TYRO3: variants seen among roughly 807,000 people sequenced by gnomAD.
TYRO3 encodes the protein TYRO3 protein tyrosine kinase, also known as tyrosine-protein kinase receptor TYRO3.
Under a neutral mutation model 95.2 loss-of-function variants are expected in TYRO3, and 38 were observed. The ratio of observed to expected loss-of-function variants is 0.40; its 90% CI spans 0.31 to 0.52. TYRO3 has a LOEUF of 0.52. Among genes scored for constraint, TYRO3 ranks in the 20% least tolerant of loss-of-function variants. TYRO3 has a pLI of 0.56. For synonymous variants in TYRO3, 367 were observed against 432.9 expected, an observed-to-expected ratio of 0.85 and a Z score of 1.89; for missense variants, 812 against 1,116.4, an observed-to-expected ratio of 0.73 and a Z score of 3.89.
At chr15:41,575,550 T>TC (rs1489549152) in intron 18 of TYRO3, among the ~76,000 whole-genome samples, 2 of 152,164 alleles carry the variant, frequency 1.3e-5, no homozygotes, top group Non-Finnish European at 2.9e-5. Flanking sequence ...CCCAGACCAT[T>TC]CCCATTCCCA....
intron 6 of TYRO3, among the ~76,000 whole-genome samples, chr15:41,566,185 C>T (rs1043707124): frequency 4.6e-5 from 7 of 151,932 alleles, no homozygotes; most frequent in East Asian, 3.9e-4. Context: ...CAGTGGCATG[C>T]GCCTGTACTT....
intron 6 of TYRO3, among the ~76,000 whole-genome samples, chr15:41,566,175 CAGTGGCATGCGCCTGT>C (rs1362665581): frequency 6.6e-6 from 1 of 152,002 alleles, no homozygotes; most frequent in Non-Finnish European, 1.5e-5. Context: ...TATCCAGGCA[CAGTGGCATGCGCCTGT>C]ACTTCTAACT....
intron 4 of TYRO3, among the ~76,000 whole-genome samples, chr15:41,563,978 A>G (rs1482002195): frequency 6.6e-6 from 1 of 152,152 alleles, no homozygotes; most frequent in Non-Finnish European, 1.5e-5. Flanking sequence ...CAATTCTCCC[A>G]TTTGAGAGAT....
At chr15:41,560,441 G>GCGCGCTCGCA (rs2055637886) in intron 1 of TYRO3, among the ~76,000 whole-genome samples, 2 of 151,678 alleles carry the variant, frequency 1.3e-5, no homozygotes, top group South Asian at 4.2e-4. Context: ...GCGCGCGCGC[G>GCGCGCTCGCA]CGCGCTCGCA....
chr15:41,562,799 G>A (rs2055674958), intron 4 of TYRO3, 81 bp downstream of exon 4: 2 of 1,444,250 alleles, frequency 1.4e-6, no homozygotes, highest in African/African-American at 2.8e-5. Context: ...TTCAGCCACT[G>A]AGCTTGCGGT....
chr15:41,565,024 A>C lies in TYRO3; in HGVS notation c.668-2A>C. The C allele has an allele frequency of 2.5e-6, 4 of 1,608,220 alleles. No homozygotes were observed. The highest frequency in any genetic ancestry group is 1.3e-5 in the African/African-American group (1 of 74,972). ...GCACTGATTCTGAGTCCCCGTCCACAGCACTGCCTGCAGCCCCCTTCAACA... is the reference window on the plus strand; with the variant it reads ...GCACTGATTCTGAGTCCCCGTCCACCGCACTGCCTGCAGCCCCCTTCAACA... On this transcript the variant is annotated splice_acceptor_variant, in intron 5 of 18. Coordinates refer to ENST00000263798, the MANE Select transcript of TYRO3 (RefSeq NM_006293.4). LOFTEE classifies it high-confidence loss of function.
intron 15 of TYRO3, 142 bp downstream of exon 15, chr15:41,572,706 C>G (rs1234491825): frequency 1.8e-6 from 2 of 1,107,226 alleles, no homozygotes; most frequent in Admixed American, 5.4e-5. Flanking sequence ...GAGTTTGAAT[C>G]CTTTTAATCT....
At position 41,573,339 on chromosome 15, in the gene TYRO3, G is replaced by C. The variant is rs954001384; in HGVS notation, c.2017G>C (p.Asp673His). The C allele has an allele frequency of 6.2e-7, 1 of 1,614,232 alleles. No homozygotes were observed. The highest frequency in any genetic ancestry group is 1.7e-5 in the Admixed American group (1 of 60,028). The change falls in exon 17 of 19, where the codon GAC (aspartate) becomes CAC (histidine). Residue 673 changes from aspartate (D) to histidine (H), a missense_variant. Transcript: ENST00000263798. The stretch of plus-strand genomic sequence containing the variant: ...AGAGGACATGACAGTGTGTGTGGCT[G>C]ACTTCGGACTCTCCCGGAAGATCTA... ...LAEDMTVCVA[D>H]FGLSRKIYSG... is the part of the protein sequence containing the mutation.
At chr15:41,569,052 G>A (rs2055761922) in intron 9 of TYRO3, 30 bp downstream of exon 9, 2 of 1,610,744 alleles carry the variant, frequency 1.2e-6, no homozygotes, top group Admixed American at 1.7e-5. Context: ...AGGGGCAGAG[G>A]CTCAGGGGAT....
At chr15:41,576,973 G>C (rs2055868804) in intron 18 of TYRO3, among the ~76,000 whole-genome samples, 1 of 151,990 alleles carries the variant, frequency 6.6e-6, no homozygotes, top group African/African-American at 2.4e-5. Flanking sequence ...TGCACGGTGA[G>C]GAATTACTGA....
At chr15:41,569,170 T>G in intron 9 of TYRO3, 148 bp downstream of exon 9, 3 of 957,210 alleles carry the variant, frequency 3.1e-6, no homozygotes, top group Non-Finnish European at 4.5e-6. Flanking sequence ...CTGTTTAAAC[T>G]ATCTTGGCTG....
chr15:41,562,456 G>C (rs534873721), intron 3 of TYRO3, 92 bp from the exon 4 acceptor site: 1 of 1,310,930 alleles, frequency 7.6e-7, no homozygotes, highest in East Asian at 2.3e-5. Flanking sequence ...AACCTTCTGC[G>C]TGGAGGACTT....
At chr15:41,563,033 C>G (rs1040223825) in intron 4 of TYRO3, among the ~76,000 whole-genome samples, 1 of 152,066 alleles carries the variant, frequency 6.6e-6, no homozygotes, top group African/African-American at 2.4e-5. Context: ...CATCCCCCAC[C>G]CCTCCCAAGG....
At position 41,572,431 on chromosome 15, in the gene TYRO3, C is replaced by A. The variant is rs775131110; in HGVS notation, c.1754-12C>A. The A allele has an allele frequency of 2.7e-5, 43 of 1,613,972 alleles. No homozygotes were observed. The highest frequency in any genetic ancestry group is 3.6e-5 in the Non-Finnish European group (42 of 1,179,898). On this transcript the variant is annotated splice_polypyrimidine_tract_variant and intron_variant, in intron 14 of 18. Coordinates refer to ENST00000263798, the MANE Select transcript of TYRO3 (RefSeq NM_006293.4). ...CCTTCTATGCTCAGCTCCTGACTCT[C>A]CCTTGTCCCAGGGGTAAGCCTCCGG... is the stretch of plus-strand genomic sequence containing the variant.
intron 4 of TYRO3, 125 bp from the exon 5 acceptor site, chr15:41,564,059 C>T (rs774778719): frequency 1.4e-5 from 12 of 883,048 alleles, no homozygotes; most frequent in Non-Finnish European, 2.1e-5. Flanking sequence ...CCTCACTGCC[C>T]AGCCCCTTCC....
At chr15:41,574,684 G>C (rs1038435999) in intron 18 of TYRO3, 21 of 455,658 alleles carry the variant, frequency 4.6e-5, no homozygotes. Flanking sequence ...TCCAAGCCAA[G>C]GGCTCCCTAG....
chr15:41,574,471 T>G (rs1194537253), intron 18 of TYRO3, among the ~76,000 whole-genome samples: 1 of 152,328 alleles, frequency 6.6e-6, no homozygotes, highest in Middle Eastern at 3.4e-3. Flanking sequence ...TCTGACCTTA[T>G]GAGGAAAAGA....
rs55698899 is a variant in TYRO3 at position 41,570,148 on chromosome 15, G to T, written c.1374G>T (p.Thr458=). 1 of 1,613,682 alleles carries T rather than the reference G, an allele frequency of 6.2e-7. No individual in the cohort carries two copies. The highest frequency in any genetic ancestry group is 8.5e-7 in the Non-Finnish European group (1 of 1,179,676). The part of the protein sequence containing the change: ...LILLRKRRKE[T]RFGQAFDSVM... ...TGCTTCGAAAGAGACGGAAAGAGAC[G>T]CGGTTTGGGTAAGGGGATGGGGATG... is the stretch of plus-strand genomic sequence containing the variant. The change falls in exon 10 of 19, where the codon ACG becomes ACT. Residue 458 remains threonine, a synonymous_variant. Coordinates refer to ENST00000263798, the MANE Select transcript of TYRO3 (RefSeq NM_006293.4).
rs755721244 is a variant in TYRO3 at position 41,562,628 on chromosome 15, G to A, written c.490G>A (p.Gly164Ser). 1.2e-6 allele frequency: 2 copies of A among 1,614,042 alleles called. No individual in the cohort carries two copies. The highest frequency in any genetic ancestry group is 1.7e-5 in the Admixed American group (1 of 60,030). The stretch of plus-strand genomic sequence containing the variant: ...TTTCCAACTGTCTTGTGAGGCTGTG[G>A]GTCCCCCTGAACCTGTTACCATTGT... ...APFQLSCEAV[G>S]PPEPVTIVWW... is the part of the protein sequence containing the mutation. The change falls in exon 4 of 19, where the codon GGT becomes AGT. Residue 164 changes from glycine (G) to serine (S), a missense_variant. Gly to Ser is a moderately conservative substitution (Grantham distance 56). Transcript: ENST00000263798.
Sources: allele counts gnomAD v4.1 joint callset (sites outside exome capture counted in the v4.1 genomes callset), GRCh38; gene constraint gnomAD v4.1.1; transcripts MANE v1.5; gene names NCBI Gene and HGNC (gene_info 2026-07-23, HGNC 2026-07-21).